RASA3: variants seen among roughly 807,000 people sequenced by gnomAD.
RASA3 encodes the protein ras GTPase-activating protein 3.
A neutral mutation model predicts 110.0 loss-of-function variants in RASA3; 73 were observed. The observed-to-expected ratio is 0.66, with a 90% CI of 0.55 to 0.81. The LOEUF is 0.81. Ranked by LOEUF, RASA3 falls within the 30% of genes least tolerant of loss-of-function variation. The pLI, the probability that RASA3 is intolerant of heterozygous loss-of-function variation, is 0.00. For synonymous variants in RASA3, 500 were observed against 451.4 expected (o/e 1.11, Z -1.37); for missense variants, 976 against 1,113.2 (o/e 0.88, Z 1.75).
chr13:114,103,116 G>A (rs942166219), intron 1 of RASA3, among the ~76,000 whole-genome samples: 1 of 152,186 alleles, frequency 6.6e-6, no homozygotes, highest in African/African-American at 2.4e-5. Flanking sequence ...GTGGCCAATG[G>A]CCGTGACTGT....
chr13:114,088,112 CAG>C (rs1315901169), intron 1 of RASA3, among the ~76,000 whole-genome samples: 1 of 134,174 alleles, frequency 7.5e-6, no homozygotes, highest in Non-Finnish European at 1.6e-5. Flanking sequence ...GCCTGGATGA[CAG>C]AGTGAGGCCC....
At chr13:114,120,888 A>T (rs1213957586) in intron 1 of RASA3, among the ~76,000 whole-genome samples, 1 of 152,228 alleles carries the variant, frequency 6.6e-6, no homozygotes, top group Non-Finnish European at 1.5e-5. Flanking sequence ...ACACAGATCT[A>T]AGAGGATCAA....
intron 3 of RASA3, among the ~76,000 whole-genome samples, chr13:114,042,613 C>T (rs1003580172): frequency 3.3e-5 from 5 of 152,252 alleles, no homozygotes; most frequent in Non-Finnish European, 7.3e-5. Flanking sequence ...CTCCCGGGAG[C>T]GGCCTGGGCC....
chr13:114,060,090 C>T (rs551875778), intron 2 of RASA3, among the ~76,000 whole-genome samples: 19 of 152,324 alleles, frequency 1.2e-4, no homozygotes, highest in Non-Finnish European at 2.5e-4. Context: ...GCGCGGAGAG[C>T]GCAGGAGGGG....
At chr13:114,043,032 G>A (rs1184319867) in intron 3 of RASA3, among the ~76,000 whole-genome samples, 4 of 152,174 alleles carry the variant, frequency 2.6e-5, no homozygotes, top group South Asian at 2.1e-4. Context: ...CCTCTGCCTC[G>A]CGGGCTCATG....
rs1594325942 is a variant in RASA3, at chr13:114,015,466, G to A, written c.1282-134C>T. The A allele has an allele frequency of 8.3e-6, 9 of 1,078,976 alleles. No individual in the cohort carries two copies. The South Asian group carries it at 9.0e-5, about 11-fold the overall frequency. The allele number at this position is 1,078,976 out of a possible 1,614,324, so 66.8% of individuals were successfully genotyped here. A position where few individuals can be genotyped will look rare whatever the true frequency, so the allele number is the denominator to read the frequency against. On this transcript the variant is annotated intron_variant, in intron 13 of 23. Coordinates refer to ENST00000334062, the MANE Select transcript of RASA3 (RefSeq NM_007368.4). ...CAGGGCAGCTGCGGCAGTGAGACACGTGTGAACAGCCACTCCCTGGAAATC... is the reference window on the plus strand; with the variant it reads ...CAGGGCAGCTGCGGCAGTGAGACACATGTGAACAGCCACTCCCTGGAAATC...
intron 3 of RASA3, among the ~76,000 whole-genome samples, 169 bp downstream of exon 3, chr13:114,051,883 C>T (rs965419473): frequency 1.3e-5 from 2 of 152,218 alleles, no homozygotes; most frequent in African/African-American, 2.4e-5. Context: ...ACCACAGATG[C>T]CAGGCCAGAT....
At chr13:113,998,558 G>A (rs531106215) in intron 20 of RASA3, among the ~76,000 whole-genome samples, 18 of 152,320 alleles carry the variant, frequency 1.2e-4, no homozygotes, top group East Asian at 7.7e-4. Flanking sequence ...AGGATGGCAC[G>A]GACGGCGGGG....
chr13:114,062,789 C>T (rs1351777218), intron 2 of RASA3, among the ~76,000 whole-genome samples: 3 of 152,240 alleles, frequency 2.0e-5, no homozygotes, highest in East Asian at 3.8e-4. Flanking sequence ...AGGTGGGCCT[C>T]GGCTGCTGAG....
At chr13:114,105,431 T>G (rs1441715991) in intron 1 of RASA3, among the ~76,000 whole-genome samples, 2 of 152,024 alleles carry the variant, frequency 1.3e-5, no homozygotes. Flanking sequence ...ACCCCCAAAT[T>G]TATGAGGAGC....
intron 1 of RASA3, among the ~76,000 whole-genome samples, chr13:114,104,028 A>G (rs7331286): frequency 1.5e-3 from 66 of 45,032 alleles, no homozygotes; most frequent in African/African-American, 2.2e-3. Flanking sequence ...CCCCGGCCAC[A>G]GACACCCACC....
At position 114,020,023 on chromosome 13, in the gene RASA3, CAG is replaced by C. The variant is rs1157420270; in HGVS notation, c.786-1106_786-1105del. Among the ~76,000 whole-genome samples the C allele has an allele frequency of 4.1e-4, 17 of 41,886 alleles. 3 individuals carry two copies. Among genetic ancestry groups the C allele is most frequent in the African/African-American group, 3.6e-3 (15 of 4,192 alleles). 27.5% of individuals were successfully genotyped at this position (41,886 alleles called of 152,430 possible). On this transcript the variant is annotated intron_variant, in intron 9 of 23. Coordinates refer to ENST00000334062, the MANE Select transcript of RASA3 (RefSeq NM_007368.4). ...GTGGAGCCTGTGTCCGAGGCATTAGCAGCCCTGTCAGGTGGGTGGAGCCTGTG... is the reference window on the plus strand; with the variant it reads ...GTGGAGCCTGTGTCCGAGGCATTAGCCCCTGTCAGGTGGGTGGAGCCTGTG...
At chr13:113,990,056 A>G (rs1339492715) in intron 22 of RASA3, among the ~76,000 whole-genome samples, 2 of 151,740 alleles carry the variant, frequency 1.3e-5, no homozygotes, top group Non-Finnish European at 2.9e-5. Flanking sequence ...GGTTGTTTGG[A>G]CGTGTGTGGC....
intron 18 of RASA3, among the ~76,000 whole-genome samples, chr13:114,002,852 G>C (rs2053436195): frequency 6.6e-6 from 1 of 152,206 alleles, no homozygotes; most frequent in African/African-American, 2.4e-5. Context: ...GGAAGCCTCA[G>C]GCTGAAAGCA....
chr13:114,022,795 A>G (rs1408794808), intron 8 of RASA3, among the ~76,000 whole-genome samples: 1 of 152,164 alleles, frequency 6.6e-6, no homozygotes, highest in African/African-American at 2.4e-5. Flanking sequence ...AATAACTAGG[A>G]CTTCACTCCT....
chr13:114,004,922 G>A (rs750771801), intron 18 of RASA3, among the ~76,000 whole-genome samples: 1 of 152,174 alleles, frequency 6.6e-6, no homozygotes, highest in African/African-American at 2.4e-5. Flanking sequence ...AATACACCAC[G>A]ACATGCTACT....
chr13:114,098,363 GT>G (rs201332850), intron 1 of RASA3, among the ~76,000 whole-genome samples: 2,034 of 152,266 alleles, frequency 0.013, 43 homozygotes, highest in African/African-American at 0.043. Flanking sequence ...GGATCCCAGG[GT>G]CTGCGTGCCC....
rs1330553413 is a variant in RASA3 at position 114,015,338 on chromosome 13, A to G, written c.1282-6T>C. ...ACATACTGCCGTAGGTTCTCCTGCA[A>G]CGGGACACGGCACTGGGACCCACTC... On this transcript the variant is annotated splice_region_variant and splice_polypyrimidine_tract_variant and intron_variant, in intron 13 of 23. Transcript: ENST00000334062. 1.9e-6 allele frequency: 3 copies of G among 1,612,506 alleles called. No individual in the cohort carries two copies. The highest frequency in any genetic ancestry group is 1.7e-5 in the Admixed American group (1 of 60,018).
chr13:114,131,775 C>T (rs2080523569), intron 1 of RASA3, among the ~76,000 whole-genome samples: 1 of 151,914 alleles, frequency 6.6e-6, no homozygotes, highest in Admixed American at 6.6e-5. Context: ...TACACACGCG[C>T]GCACACATGC....
Sources: gnomAD v4.1 joint callset for allele counts (sites outside exome capture counted in the v4.1 genomes callset) on GRCh38, gnomAD v4.1.1 for gene constraint, MANE v1.5 for transcripts, NCBI Gene and HGNC (gene_info 2026-07-23, HGNC 2026-07-21) for gene names.